Variants in SKAP1 observed in about 807,000 individuals in gnomAD.
The protein encoded by SKAP1 is src kinase associated phosphoprotein 1.
A neutral mutation model predicts 58.5 loss-of-function variants in SKAP1; 44 were observed. That is an observed-to-expected ratio of 0.75 (90% CI 0.59 to 0.97). SKAP1 has a LOEUF of 0.97. SKAP1 is among the 50% of genes least tolerant of loss of function. SKAP1 has a pLI of 0.00. For missense variants in SKAP1, 390 were observed against 435.2 expected (o/e 0.90, Z 0.92); for synonymous variants, 127 against 149.7 (o/e 0.85, Z 1.11).
At chr17:48,137,195 C>T (rs911791440) in intron 12 of SKAP1, 34 bp downstream of exon 12, 4 of 1,379,424 alleles carry the variant, frequency 2.9e-6, no homozygotes, top group Non-Finnish European at 4.1e-6. Flanking sequence ...TTCCACTCAA[C>T]TATTAGGCAG....
At chr17:48,368,418 T>G (rs929644220) in intron 2 of SKAP1, among the ~76,000 whole-genome samples, 2 of 152,184 alleles carry the variant, frequency 1.3e-5, no homozygotes, top group African/African-American at 4.8e-5. Context: ...ACTAGAAATT[T>G]TAAACCAAAA....
At position 48,430,170 on chromosome 17, in the gene SKAP1, G is replaced by A; in HGVS notation, c.-50C>T. 6.4e-6 allele frequency: 8 copies of A among 1,245,490 alleles called. No individual in the cohort carries two copies. Among genetic ancestry groups the A allele is most frequent in the Non-Finnish European group, 8.1e-6 (8 of 986,790 alleles). 77.2% of individuals were successfully genotyped at this position (1,245,490 alleles called of 1,614,324 possible). On this transcript the variant is annotated 5_prime_UTR_variant, in exon 1 of 13. Coordinates refer to ENST00000336915, the MANE Select transcript of SKAP1 (RefSeq NM_003726.4). ...ACGGGGCGCGGGCCCTGGTCGGGAG[G>A]CGGACGGGCTGGAAGGCGACCCGGC...
intron 2 of SKAP1, among the ~76,000 whole-genome samples, chr17:48,386,016 C>A (rs556999625): frequency 6.6e-6 from 1 of 152,172 alleles, no homozygotes; most frequent in East Asian, 1.9e-4. Context: ...AGCCCTGTAA[C>A]CTTTTGTCAC....
chr17:48,241,887 T>C (rs1244101660), intron 4 of SKAP1, among the ~76,000 whole-genome samples: 2 of 152,206 alleles, frequency 1.3e-5, no homozygotes, highest in African/African-American at 4.8e-5. Flanking sequence ...TTACTTTCCA[T>C]TCTTTGCTGG....
chr17:48,279,564 C>T (rs886600289), intron 4 of SKAP1, among the ~76,000 whole-genome samples: 6 of 152,118 alleles, frequency 3.9e-5, no homozygotes, highest in Admixed American at 3.9e-4. Flanking sequence ...CCAAATGATA[C>T]ATGTGGACCA....
intron 4 of SKAP1, among the ~76,000 whole-genome samples, chr17:48,254,706 G>C (rs1020604836): frequency 2.7e-5 from 4 of 150,004 alleles, no homozygotes; most frequent in African/African-American, 9.8e-5. Context: ...TGTTGTCTTA[G>C]AAGAAAAGTA....
chr17:48,293,707 A>G (rs928960146), intron 4 of SKAP1, among the ~76,000 whole-genome samples: 2 of 152,210 alleles, frequency 1.3e-5, no homozygotes, highest in African/African-American at 2.4e-5. Context: ...CTTTTTGTTA[A>G]AATCATCCCT....
intron 2 of SKAP1, among the ~76,000 whole-genome samples, chr17:48,395,032 C>T (rs1395362677): frequency 3.3e-5 from 5 of 152,156 alleles, no homozygotes; most frequent in African/African-American, 1.2e-4. Context: ...AAAGTTCCCG[C>T]TGATGATTTC....
chr17:48,240,393 T>C (rs1320672587), intron 4 of SKAP1, among the ~76,000 whole-genome samples: 3 of 150,752 alleles, frequency 2.0e-5, no homozygotes, highest in Admixed American at 6.6e-5. Context: ...GTTTGAGTAA[T>C]GTACTCAGTC....
At chr17:48,443,887 A>G in the SKAP1 span, among the ~76,000 whole-genome samples, 2 of 152,102 alleles carry the variant, frequency 1.3e-5, no homozygotes, top group Non-Finnish European at 2.9e-5. Context: ...TCAATTATTA[A>G]CTTCGATTAT....
In SKAP1 at chr17:48,170,661, T is replaced by TG. The variant is rs773582800; in HGVS notation, c.827-3dup. ...CCTCTTCTAGATCATGCTCTTCATCTGGGGGGATAAATGATCAGTATTAGC... is the reference window on the plus strand; with the variant it reads ...CCTCTTCTAGATCATGCTCTTCATCTGGGGGGGATAAATGATCAGTATTAGC... On this transcript the variant is annotated splice_polypyrimidine_tract_variant and splice_region_variant and intron_variant, in intron 9 of 12. Coordinates refer to ENST00000336915, the MANE Select transcript of SKAP1 (RefSeq NM_003726.4). The TG allele has an allele frequency of 2.5e-6, 4 of 1,612,780 alleles. No individual in the cohort carries two copies. The highest frequency in any genetic ancestry group is 3.4e-6 in the Non-Finnish European group (4 of 1,179,242).
At chr17:48,329,161 T>G (rs191865097) in intron 4 of SKAP1, among the ~76,000 whole-genome samples, 1 of 152,326 alleles carries the variant, frequency 6.6e-6, no homozygotes, top group East Asian at 1.9e-4. Context: ...TAGAGCCCCC[T>G]TTTCTCTACA....
intron 3 of SKAP1, among the ~76,000 whole-genome samples, chr17:48,354,278 C>A (rs2066845824): frequency 6.6e-6 from 1 of 152,166 alleles, no homozygotes; most frequent in Admixed American, 6.5e-5. Context: ...TATGTAACAT[C>A]ATTATCAACA....
At chr17:48,284,962 A>G (rs1018725568) in intron 4 of SKAP1, among the ~76,000 whole-genome samples, 3 of 152,232 alleles carry the variant, frequency 2.0e-5, no homozygotes, top group African/African-American at 7.2e-5. Flanking sequence ...TATGAAAGCC[A>G]TATTGAAAGA....
intron 4 of SKAP1, among the ~76,000 whole-genome samples, chr17:48,311,478 G>A (rs1028181515): frequency 3.9e-5 from 6 of 152,076 alleles, no homozygotes; most frequent in African/African-American, 1.4e-4. Context: ...TTTTGCGGGG[G>A]AGGAGGGAAG....
intron 3 of SKAP1, among the ~76,000 whole-genome samples, chr17:48,351,966 C>T (rs536124402): frequency 9.9e-5 from 15 of 150,846 alleles, no homozygotes; most frequent in African/African-American, 3.7e-4. Flanking sequence ...TCTTTTTTTC[C>T]CTCAAGAAAA....
intron 4 of SKAP1, chr17:48,196,835 T>C (rs1262111906): frequency 6.6e-6 from 1 of 152,226 alleles, no homozygotes; most frequent in East Asian, 1.9e-4. Context: ...AATTGCCTCC[T>C]AGGGCAGATC....
At chr17:48,378,670 G>A (rs1178955584) in intron 2 of SKAP1, among the ~76,000 whole-genome samples, 1 of 151,986 alleles carries the variant, frequency 6.6e-6, no homozygotes, top group East Asian at 1.9e-4. Flanking sequence ...GATCCTTTGA[G>A]GCTCAGCTAA....
intron 3 of SKAP1, among the ~76,000 whole-genome samples, chr17:48,362,759 A>G (rs2066952222): frequency 1.3e-5 from 2 of 152,238 alleles, no homozygotes; most frequent in African/African-American, 2.4e-5. Context: ...ATGAGCCAGA[A>G]AAATAAAAAT....
Sources: gnomAD v4.1 joint callset for allele counts (sites outside exome capture counted in the v4.1 genomes callset) on GRCh38, gnomAD v4.1.1 for gene constraint, MANE v1.5 for transcripts, NCBI Gene and HGNC (gene_info 2026-07-23, HGNC 2026-07-21) for gene names.